Variants in ARID5B observed in about 807,000 individuals in gnomAD.
The protein encoded by ARID5B is AT-rich interaction domain 5B.
In ARID5B, 13 loss-of-function variants were observed where a neutral mutation model predicts 97.2. The observed-to-expected ratio is 0.13, with a 90% CI of 0.09 to 0.21. The LOEUF (loss-of-function observed/expected upper bound fraction) is 0.21. Among genes scored for constraint, ARID5B ranks in the 10% least tolerant of loss-of-function variants. The pLI is 1.00. For missense variants in ARID5B, 1,210 were observed against 1,465.3 expected (o/e 0.83, Z 2.84); for synonymous variants, 556 against 570.3 (o/e 0.97, Z 0.36).
intron 3 of ARID5B, among the ~76,000 whole-genome samples, chr10:61,943,004 A>T (rs1423422648): frequency 6.6e-6 from 1 of 152,218 alleles, no homozygotes; most frequent in African/African-American, 2.4e-5. Context: ...CTTTAAGGAT[A>T]GAATTTAGGG....
In ARID5B at chr10:62,093,235, C is replaced by A; in HGVS notation, c.*205C>A. ...CCCACAAACTGACTGGCTGGTGAGT[C>A]TTGACTCCCTTCCAACACAGATGCC... On this transcript the variant is annotated 3_prime_UTR_variant, in exon 10 of 10. Transcript: ENST00000279873. 1 of 666,174 alleles carries A rather than the reference C, an allele frequency of 1.5e-6. No homozygotes were observed. The highest frequency in any genetic ancestry group is 2.4e-6 in the Non-Finnish European group (1 of 417,954). The allele number at this position is 666,174 out of a possible 1,614,324, so 41.3% of individuals were successfully genotyped here.
chr10:61,986,703 G>A (rs1838851784), intron 3 of ARID5B, among the ~76,000 whole-genome samples: 1 of 152,114 alleles, frequency 6.6e-6, no homozygotes, highest in African/African-American at 2.4e-5. Context: ...CCCGTGCTGT[G>A]GTGCCCCTTT....
At chr10:61,926,892 G>A (rs138265945) in intron 2 of ARID5B, among the ~76,000 whole-genome samples, 3,266 of 152,200 alleles carry the variant, frequency 0.021, 119 homozygotes, top group African/African-American at 0.075. Context: ...CCAAAGTGCT[G>A]GGATTACAGG....
chr10:61,955,611 C>T (rs375961827), intron 3 of ARID5B, among the ~76,000 whole-genome samples: 2 of 152,126 alleles, frequency 1.3e-5, no homozygotes, highest in African/African-American at 4.8e-5. Flanking sequence ...CTTTACTATA[C>T]TTACTATCTC....
intron 3 of ARID5B, among the ~76,000 whole-genome samples, chr10:61,994,103 C>T (rs1589250376): frequency 6.6e-6 from 1 of 152,118 alleles, no homozygotes; most frequent in South Asian, 2.1e-4. Context: ...TTTCTATTGG[C>T]ATCCAAATGC....
intron 2 of ARID5B, among the ~76,000 whole-genome samples, chr10:61,933,403 C>T (rs1274656975): frequency 6.6e-6 from 1 of 152,200 alleles, no homozygotes; most frequent in African/African-American, 2.4e-5. Context: ...TCTGAATGTA[C>T]TTAATGGCAT....
intron 4 of ARID5B, among the ~76,000 whole-genome samples, chr10:62,034,663 A>T (rs183968499): frequency 0.011 from 1,610 of 152,324 alleles, 25 homozygotes; most frequent in African/African-American, 0.036. Context: ...GCAGGGGATT[A>T]TTTTGCAATC....
At chr10:62,042,914 CAAAAAA>C (rs34887438) in intron 4 of ARID5B, among the ~76,000 whole-genome samples, 1 of 121,294 alleles carries the variant, frequency 8.2e-6, no homozygotes, top group Admixed American at 8.4e-5. Flanking sequence ...GAGTCTGTCC[CAAAAAA>C]AAAAAAAAAA....
intron 3 of ARID5B, among the ~76,000 whole-genome samples, chr10:61,966,555 G>C (rs904502987): frequency 5.3e-5 from 8 of 151,714 alleles, no homozygotes; most frequent in Admixed American, 3.3e-4. Context: ...CTGAATTTTA[G>C]AAAATTCTTT....
At chr10:62,061,264 T>G (rs1839918168) in intron 7 of ARID5B, among the ~76,000 whole-genome samples, 1 of 152,196 alleles carries the variant, frequency 6.6e-6, no homozygotes, top group African/African-American at 2.4e-5. Flanking sequence ...AAGGAAGGCT[T>G]GATGGCTCTG....
At chr10:62,003,288 T>C (rs1839104569) in intron 4 of ARID5B, among the ~76,000 whole-genome samples, 1 of 152,020 alleles carries the variant, frequency 6.6e-6, no homozygotes, top group Non-Finnish European at 1.5e-5. Context: ...AATGATTAAG[T>C]ATTTGATGAG....
At chr10:62,011,258 A>G (rs1391639606) in intron 4 of ARID5B, among the ~76,000 whole-genome samples, 1 of 152,204 alleles carries the variant, frequency 6.6e-6, no homozygotes, top group Non-Finnish European at 1.5e-5. Flanking sequence ...TATTACACAC[A>G]ACACCAGAAA....
rs1840378502 is a variant in ARID5B at position 62,091,807 on chromosome 10, G to T, written c.2344G>T (p.Asp782Tyr). The T allele has an allele frequency of 6.2e-7, 1 of 1,613,972 alleles. No individual in the cohort carries two copies. The highest frequency in any genetic ancestry group is 8.5e-7 in the Non-Finnish European group (1 of 1,180,030). ...TAAGCATGAGAAACTGAGTCGATCAGATCCCCACCGCTGCAGCTTCTCCAA... is the reference window on the plus strand; with the variant it reads ...TAAGCATGAGAAACTGAGTCGATCATATCCCCACCGCTGCAGCTTCTCCAA... The part of the protein sequence containing the change: ...IFKHEKLSRS[D>Y]PHRCSFSKHH... Residue 782 changes from aspartate (D) to tyrosine (Y), a missense_variant, in exon 10 of 10, where the codon GAT (aspartate) becomes TAT (tyrosine). By Grantham distance (160) the Asp-to-Tyr change is radical. Transcript: ENST00000279873.
intron 2 of ARID5B, among the ~76,000 whole-genome samples, chr10:61,918,735 T>A (rs2132767057): frequency 6.6e-6 from 1 of 152,288 alleles, no homozygotes; most frequent in South Asian, 2.1e-4. Context: ...CATGTAGATG[T>A]TAAAGGTACA....
intron 9 of ARID5B, among the ~76,000 whole-genome samples, chr10:62,087,200 G>A (rs1204961470): frequency 6.8e-6 from 1 of 148,040 alleles, no homozygotes; most frequent in Non-Finnish European, 1.5e-5. Flanking sequence ...TCAGGAGGCT[G>A]AGGCAGGAGA....
At chr10:61,909,394 C>T (rs997775206) in intron 2 of ARID5B, among the ~76,000 whole-genome samples, 1 of 140,110 alleles carries the variant, frequency 7.1e-6, no homozygotes, top group Non-Finnish European at 1.5e-5. Flanking sequence ...GGCGCGATCT[C>T]GGCTCACTGC....
intron 2 of ARID5B, among the ~76,000 whole-genome samples, chr10:61,925,181 G>GGT (rs1844081873): frequency 2.0e-5 from 3 of 152,130 alleles, no homozygotes; most frequent in East Asian, 3.9e-4. Flanking sequence ...CTCTAGCCTG[G>GGT]GCGACAGAGA....
rs867285766 is a variant in ARID5B, at chr10:62,095,898, A to G, written c.*2868A>G. ...TGGCAGTGGAGTCATAAATCTATTT[A>G]CTGAGTGTGGCTTCCAAGAAATGTT... On this transcript the variant is annotated 3_prime_UTR_variant, in exon 10 of 10. Coordinates refer to ENST00000279873, the MANE Select transcript of ARID5B (RefSeq NM_032199.3). The G allele has an allele frequency of 4.3e-5, 10 of 230,682 alleles. 1 individual carries two copies. The Middle Eastern group carries it at 6.6e-3, about 152-fold the overall frequency. 14.3% of individuals were successfully genotyped at this position (230,682 alleles called of 1,614,324 possible).
intron 2 of ARID5B, among the ~76,000 whole-genome samples, chr10:61,907,866 T>C (rs1270396839): frequency 6.6e-6 from 1 of 152,276 alleles, no homozygotes; most frequent in Non-Finnish European, 1.5e-5. Context: ...ACCAGATCGC[T>C]GACAAAGTAG....
Sources: allele counts gnomAD v4.1 joint callset (sites outside exome capture counted in the v4.1 genomes callset), GRCh38; gene constraint gnomAD v4.1.1; transcripts MANE v1.5; gene names NCBI Gene and HGNC (gene_info 2026-07-23, HGNC 2026-07-21).